The following VSIG1 variants were observed in gnomAD, a reference collection of about 807,000 sequenced individuals.
VSIG1 encodes the protein V-set and immunoglobulin domain containing 1.
In VSIG1, 11 loss-of-function variants were observed where a neutral mutation model predicts 20.1. The observed-to-expected ratio is 0.55, with a 90% CI of 0.34 to 0.91. The LOEUF (loss-of-function observed/expected upper bound fraction) is 0.91. Ranked by LOEUF, VSIG1 falls within the 40% of genes least tolerant of loss-of-function variation. The pLI, the probability that VSIG1 is intolerant of heterozygous loss-of-function variation, is 0.02. For synonymous variants in VSIG1, 126 were observed against 116.7 expected (o/e 1.08, Z -0.52); for missense variants, 283 against 298.8 (o/e 0.95, Z 0.39).
chrX:108,066,167 G>A (rs2031121312), intron 2 of VSIG1, among the ~76,000 whole-genome samples: 1 of 111,837 alleles, frequency 8.9e-6, no homozygotes, highest in African/African-American at 3.2e-5. Flanking sequence ...TAATAAATGA[G>A]CCCTTGTGGC....
chrX:108,069,014 A>G (rs2031187904), intron 3 of VSIG1, among the ~76,000 whole-genome samples: 1 of 111,669 alleles, frequency 9.0e-6, no homozygotes, highest in Non-Finnish European at 1.9e-5. Context: ...TTAAATGTTC[A>G]AAAACTGGAG....
At chrX:108,075,003 C>T (rs755429509) in intron 5 of VSIG1, among the ~76,000 whole-genome samples, 6 of 111,768 alleles carry the variant, frequency 5.4e-5, no homozygotes, top group South Asian at 3.7e-4. Flanking sequence ...TATTAACCTC[C>T]GGGAAAATTT....
At chrX:108,034,321 C>G in the VSIG1 span, among the ~76,000 whole-genome samples, 3 of 111,849 alleles carry the variant, frequency 2.7e-5, no homozygotes, top group Non-Finnish European at 5.6e-5. Context: ...TATGAGCTCT[C>G]TTTGAAAATA....
chrX:108,059,085 C>T (rs1027200691), intron 2 of VSIG1, among the ~76,000 whole-genome samples: 1 of 112,131 alleles, frequency 8.9e-6, no homozygotes, highest in Non-Finnish European at 1.9e-5. Flanking sequence ...CAAAAGGCTG[C>T]ATGACCCAAA....
intron 5 of VSIG1, among the ~76,000 whole-genome samples, chrX:108,074,403 A>C (rs2031313514): frequency 9.0e-6 from 1 of 111,517 alleles, no homozygotes; most frequent in African/African-American, 3.3e-5. Context: ...GGACTTGAGC[A>C]TTGCTTCCTT....
chrX:108,063,740 G>A (rs749166463), intron 2 of VSIG1, among the ~76,000 whole-genome samples: 2 of 111,365 alleles, frequency 1.8e-5, no homozygotes, highest in Non-Finnish European at 3.8e-5. Context: ...AGCCTCTAGC[G>A]TCACCCTGGG....
chrX:108,066,810 C>T, intron 2 of VSIG1, 126 bp from the exon 3 acceptor site: 1 of 632,451 alleles, frequency 1.6e-6, no homozygotes, highest in Non-Finnish European at 2.4e-6. Context: ...GCCACAGGGA[C>T]CTGTTCCTGG....
intron 1 of VSIG1, among the ~76,000 whole-genome samples, chrX:108,049,482 C>A (rs1292888989): frequency 8.9e-6 from 1 of 111,900 alleles, no homozygotes; most frequent in African/African-American, 3.3e-5. Flanking sequence ...TCCACAGCCT[C>A]TTCCATGGCT....
At chrX:108,042,602 T>C (rs745312194), upstream of VSIG1, among the ~76,000 whole-genome samples, 1 of 111,706 alleles carries the variant, frequency 9.0e-6, no homozygotes, top group African/African-American at 3.2e-5. Context: ...CTTATAAATT[T>C]CGCTCCCCAT....
At chrX:108,062,889 A>C (rs1465704705) in intron 2 of VSIG1, among the ~76,000 whole-genome samples, 5 of 112,448 alleles carry the variant, frequency 4.4e-5, no homozygotes, top group Non-Finnish European at 9.4e-5. Context: ...GGAATCTGCA[A>C]AAGCAGCTCT....
chrX:108,068,952 A>C (rs2031186203), intron 3 of VSIG1, among the ~76,000 whole-genome samples: 1 of 111,370 alleles, frequency 9.0e-6, no homozygotes, highest in African/African-American at 3.3e-5. Context: ...TTTGTTATGA[A>C]CAGTTTTGTT....
the VSIG1 span, among the ~76,000 whole-genome samples, chrX:108,023,567 G>A: frequency 8.9e-6 from 1 of 111,786 alleles, no homozygotes; most frequent in Non-Finnish European, 1.9e-5. Context: ...GTAACCATCT[G>A]GTCCTAGGCT....
intron 2 of VSIG1, among the ~76,000 whole-genome samples, chrX:108,063,397 G>A (rs903960919): frequency 1.8e-5 from 2 of 111,296 alleles, no homozygotes; most frequent in Non-Finnish European, 3.8e-5. Context: ...TTGAGGCCTC[G>A]GTGTCCTTTT....
At chrX:108,026,453 T>C in the VSIG1 span, among the ~76,000 whole-genome samples, 5,218 of 111,126 alleles carry the variant, frequency 0.047, 324 homozygotes, top group African/African-American at 0.16. Context: ...AAGCATCTAG[T>C]AAAGCCTGTA....
At chrX:108,025,883 C>T in the VSIG1 span, among the ~76,000 whole-genome samples, 2 of 112,074 alleles carry the variant, frequency 1.8e-5, no homozygotes, top group African/African-American at 6.5e-5. Flanking sequence ...GTAATGAATA[C>T]ATATTCAAAT....
chrX:108,074,965 G>A (rs2031322155), intron 5 of VSIG1, among the ~76,000 whole-genome samples: 1 of 112,029 alleles, frequency 8.9e-6, no homozygotes, highest in African/African-American at 3.2e-5. Context: ...GAGTGATAAT[G>A]CATTTATTAA....
intron 2 of VSIG1, among the ~76,000 whole-genome samples, chrX:108,062,829 A>G (rs1225276685): frequency 2.7e-5 from 3 of 112,150 alleles, no homozygotes; most frequent in Non-Finnish European, 5.6e-5. Context: ...GCTGGAAAGG[A>G]AAGAATGGGT....
At position 108,077,493 on chromosome X, in the gene VSIG1, T is replaced by G; in HGVS notation, c.*112T>G. ...CCTTCCATTTTGACCAACCTTCTTC[T>G]AACAAGGTGCTCATTCCTACTATGA... is the stretch of plus-strand genomic sequence containing the variant. On this transcript the variant is annotated 3_prime_UTR_variant, in exon 7 of 7. Transcript: ENST00000217957. 2 of 896,526 alleles carry G rather than the reference T, an allele frequency of 2.2e-6. No homozygotes were observed. The highest frequency in any genetic ancestry group is 3.1e-6 in the Non-Finnish European group (2 of 643,079). 73.9% of individuals were successfully genotyped at this position (896,526 alleles called of 1,213,427 possible).
At chrX:108,021,177 A>G in the VSIG1 span, among the ~76,000 whole-genome samples, 1 of 111,545 alleles carries the variant, frequency 9.0e-6, no homozygotes, top group Non-Finnish European at 1.9e-5. Context: ...TGCTGGGCAG[A>G]TTGGGGGAAA....
Sources: gnomAD v4.1 joint callset for allele counts (sites outside exome capture counted in the v4.1 genomes callset) on GRCh38, gnomAD v4.1.1 for gene constraint, MANE v1.5 for transcripts, NCBI Gene and HGNC (gene_info 2026-07-23, HGNC 2026-07-21) for gene names.